The following SCN9A variants were observed in gnomAD, a reference collection of about 807,000 sequenced individuals.
SCN9A encodes the protein sodium voltage-gated channel alpha subunit 9, also known as sodium channel protein type 9 subunit alpha.
Under a neutral mutation model 187.0 loss-of-function variants are expected in SCN9A, and 131 were observed. That is an observed-to-expected ratio of 0.70 (90% CI 0.61 to 0.81). SCN9A has a LOEUF of 0.81. Ranked by LOEUF, SCN9A falls within the 30% of genes least tolerant of loss-of-function variation. The pLI is 0.00. For missense variants in SCN9A, 2,252 were observed against 2,396.6 expected (o/e 0.94, Z 1.26); for synonymous variants, 809 against 808.6 (o/e 1.00, Z -0.01).
At chr2:166,240,133 C>T (rs1424177388) in intron 19 of SCN9A, among the ~76,000 whole-genome samples, 1 of 152,172 alleles carries the variant, frequency 6.6e-6, no homozygotes, top group Non-Finnish European at 1.5e-5. Context: ...ACTTTTAAAA[C>T]TGTACCCAGC....
intron 18 of SCN9A, chr2:166,248,248 C>T (rs928676454): frequency 6.6e-6 from 1 of 152,056 alleles, no homozygotes; most frequent in Non-Finnish European, 1.5e-5. Flanking sequence ...TTGATTCTAG[C>T]CCAGCTCTTG....
chr2:166,218,704 C>A (rs1429545824), intron 24 of SCN9A, among the ~76,000 whole-genome samples: 1 of 152,010 alleles, frequency 6.6e-6, no homozygotes, highest in Admixed American at 6.6e-5. Context: ...GCAACAAAAA[C>A]AAAAATTAAC....
At chr2:166,349,636 C>T (rs187420437) in intron 1 of SCN9A, among the ~76,000 whole-genome samples, 1 of 152,238 alleles carries the variant, frequency 6.6e-6, no homozygotes, top group East Asian at 1.9e-4. Context: ...CCTAAGTAGA[C>T]TATAAGGGCA....
chr2:166,202,043 T>C (rs750710148), intron 26 of SCN9A, among the ~76,000 whole-genome samples: 123 of 151,844 alleles, frequency 8.1e-4, no homozygotes, highest in Non-Finnish European at 1.2e-3. Flanking sequence ...ATATTCTTAT[T>C]AATTTATAAG....
rs113325609 is a variant in SCN9A at position 166,263,061 on chromosome 2, A to G, written c.3351+9338T>C. Among the ~76,000 whole-genome samples the G allele has an allele frequency of 4.5e-4, 69 of 151,936 alleles. 1 individual carries two copies. Among genetic ancestry groups the G allele is most frequent in the African/African-American group, 1.5e-3 (63 of 41,484 alleles). ...GTGGCAGAAGGGAGGTGCTTCCCCCAAGGTTATACCCTTCTCCCCTGGAAA... is the reference window on the plus strand; with the variant it reads ...GTGGCAGAAGGGAGGTGCTTCCCCCGAGGTTATACCCTTCTCCCCTGGAAA... On this transcript the variant is annotated intron_variant, in intron 17 of 26. Coordinates refer to ENST00000642356, the MANE Select transcript of SCN9A (RefSeq NM_001365536.1).
chr2:166,347,564 C>T (rs1472062234), intron 1 of SCN9A, among the ~76,000 whole-genome samples: 1 of 152,158 alleles, frequency 6.6e-6, no homozygotes, highest in Non-Finnish European at 1.5e-5. Context: ...GGGAGGAAAG[C>T]CTTGAGTTCT....
intron 24 of SCN9A, among the ~76,000 whole-genome samples, chr2:166,208,990 A>G (rs568647339): frequency 8.5e-5 from 13 of 152,324 alleles, no homozygotes; most frequent in Admixed American, 1.3e-4. Flanking sequence ...AGTGTGCTGC[A>G]CTAGGGTCCA....
chr2:166,268,185 CA>C (rs1417013389), intron 17 of SCN9A, among the ~76,000 whole-genome samples: 2 of 151,898 alleles, frequency 1.3e-5, no homozygotes, highest in Non-Finnish European at 2.9e-5. Context: ...ATCTATTTTA[CA>C]CATAAATAAA....
At chr2:166,299,077 G>A (rs1698441897) in intron 7 of SCN9A, among the ~76,000 whole-genome samples, 3 of 151,782 alleles carry the variant, frequency 2.0e-5, no homozygotes, top group Non-Finnish European at 2.9e-5. Context: ...CTCCTGTTTC[G>A]GTGGAGCTGT....
intron 16 of SCN9A, among the ~76,000 whole-genome samples, chr2:166,274,716 T>C (rs917803918): frequency 2.6e-5 from 4 of 152,208 alleles, no homozygotes; most frequent in African/African-American, 9.6e-5. Context: ...TAGTTAACAC[T>C]AATTCTACAC....
chr2:166,204,816 TA>T (rs1306292203), intron 24 of SCN9A: 1 of 154,898 alleles, frequency 6.5e-6, no homozygotes, highest in Non-Finnish European at 1.4e-5. Flanking sequence ...TTGTAAGAAT[TA>T]AAAGTAATGA....
intron 1 of SCN9A, among the ~76,000 whole-genome samples, chr2:166,326,931 G>C (rs1699378058): frequency 6.6e-6 from 1 of 152,110 alleles, no homozygotes. Context: ...TTGACTTCAG[G>C]CTGAAGACTG....
chr2:166,246,100 T>C (rs1218708185), intron 18 of SCN9A, among the ~76,000 whole-genome samples: 1 of 151,990 alleles, frequency 6.6e-6, no homozygotes, highest in Non-Finnish European at 1.5e-5. Flanking sequence ...TCTCTGGAAG[T>C]TTCTAAGTTC....
chr2:166,284,319 A>T, intron 12 of SCN9A, 134 bp downstream of exon 12: 1 of 999,568 alleles, frequency 1.0e-6, no homozygotes. Flanking sequence ...AATGAATCAA[A>T]GGTGTGTTCC....
chr2:166,316,627 G>A (rs1335994074), intron 1 of SCN9A, among the ~76,000 whole-genome samples: 1 of 152,242 alleles, frequency 6.6e-6, no homozygotes, highest in African/African-American at 2.4e-5. Flanking sequence ...CCAGGAGGCG[G>A]AGCTTGCAGT....
chr2:166,355,757 A>G (rs1374376865), intron 1 of SCN9A, among the ~76,000 whole-genome samples: 1 of 151,344 alleles, frequency 6.6e-6, no homozygotes, highest in African/African-American at 2.4e-5. Flanking sequence ...TTTTCATGAC[A>G]TATTTCTGGG....
chr2:166,281,769 A>G lies in SCN9A; in HGVS notation c.2014T>C (p.Ser672Pro). The G allele has an allele frequency of 6.2e-7, 1 of 1,613,278 alleles. No homozygotes were observed. Among genetic ancestry groups the G allele is most frequent in the Non-Finnish European group, 8.5e-7 (1 of 1,179,488 alleles). ...AGCATATCCTCTGAAAGGAGATAGGAACTACAACGCCTTTTCTTGTGTATT... is the reference window on the plus strand; with the variant it reads ...AGCATATCCTCTGAAAGGAGATAGGGACTACAACGCCTTTTCTTGTGTATT... ...NQIHKKRRCS[S>P]YLLSEDMLND... The change falls in exon 13 of 27, where the codon TCC (serine) becomes CCC (proline). Residue 672 changes from serine (S) to proline (P), a missense_variant. This residue lies in a region of SCN9A where 1,013 missense variants were observed against 997.4 expected (regional missense o/e 1.02). Transcript: ENST00000642356.
At chr2:166,358,460 T>A (rs1157857250) in intron 1 of SCN9A, among the ~76,000 whole-genome samples, 3 of 152,018 alleles carry the variant, frequency 2.0e-5, no homozygotes, top group African/African-American at 4.8e-5. Context: ...CCATTTGTGC[T>A]TTTTTTTCTG....
In SCN9A at chr2:166,281,750, T is replaced by G. The variant is rs748699199; in HGVS notation, c.2033A>C (p.Asp678Ala). Residue 678 changes from aspartate (D) to alanine (A), a missense_variant, in exon 13 of 27, where the codon GAT (aspartate) becomes GCT (alanine). This residue lies in a region of SCN9A where 1,013 missense variants were observed against 997.4 expected (regional missense o/e 1.02). Transcript: ENST00000642356. ...TCTGAGGTTGGGATCATTCAGCATA[T>G]CCTCTGAAAGGAGATAGGAACTACA... The part of the protein sequence containing the change: ...RRCSSYLLSE[D>A]MLNDPNLRQR... 2 of 1,613,376 alleles carry G rather than the reference T, an allele frequency of 1.2e-6. No individual in the cohort carries two copies. The highest frequency in any genetic ancestry group is 1.7e-6 in the Non-Finnish European group (2 of 1,179,534).
Sources: gnomAD v4.1 joint callset for allele counts (sites outside exome capture counted in the v4.1 genomes callset) on GRCh38, gnomAD v4.1.1 for gene constraint, gnomAD v4.1.1 regional missense constraint, MANE v1.5 for transcripts, NCBI Gene and HGNC (gene_info 2026-07-23, HGNC 2026-07-21) for gene names.